The following PRKCA variants were observed in gnomAD, a reference collection of about 807,000 sequenced individuals.
PRKCA encodes the protein protein kinase C alpha type.
Under a neutral mutation model 87.0 loss-of-function variants are expected in PRKCA, and 27 were observed. That is an observed-to-expected ratio of 0.31 (90% confidence interval 0.23 to 0.43). The LOEUF (loss-of-function observed/expected upper bound fraction) is 0.43, where lower values mean the gene tolerates loss of function less well. Among genes scored for constraint, PRKCA ranks in the 20% least tolerant of loss-of-function variants. The probability of loss-of-function intolerance (pLI) is 1.00; values close to 1 mark genes in which losing one functional copy is unlikely to be tolerated. For missense variants in PRKCA, 518 were observed against 852.3 expected, an observed-to-expected ratio of 0.61 and a Z score of 4.88; for synonymous variants, 329 against 311.1, an observed-to-expected ratio of 1.06 and a Z score of -0.61.
At chr17:66,377,255 C>A (rs1054255582) in intron 2 of PRKCA, among the ~76,000 whole-genome samples, 1 of 151,906 alleles carries the variant, frequency 6.6e-6, no homozygotes, top group Non-Finnish European at 1.5e-5. Context: ...GAACTCTTGA[C>A]CTCAGGTGAT....
At chr17:66,602,445 C>T (rs879300135) in intron 3 of PRKCA, among the ~76,000 whole-genome samples, 118 of 151,246 alleles carry the variant, frequency 7.8e-4, no homozygotes, top group Non-Finnish European at 1.5e-3. Context: ...GGTGCGCACA[C>T]CCACTGACCT....
At chr17:66,573,232 T>A (rs1453475214) in intron 3 of PRKCA, among the ~76,000 whole-genome samples, 1 of 152,188 alleles carries the variant, frequency 6.6e-6, no homozygotes, top group Non-Finnish European at 1.5e-5. Flanking sequence ...AAGGACCTTG[T>A]AATGAGCAGC....
chr17:66,343,551 G>A (rs1185713282), intron 2 of PRKCA, among the ~76,000 whole-genome samples: 1 of 152,160 alleles, frequency 6.6e-6, no homozygotes, highest in Non-Finnish European at 1.5e-5. Flanking sequence ...TGCAGAGACC[G>A]GATTGGAGGG....
intron 2 of PRKCA, among the ~76,000 whole-genome samples, chr17:66,436,445 A>G (rs767729897): frequency 3.3e-5 from 5 of 152,220 alleles, no homozygotes; most frequent in Non-Finnish European, 5.9e-5. Flanking sequence ...GCGAGGATTA[A>G]GTGAGAGAAC....
intron 5 of PRKCA, among the ~76,000 whole-genome samples, chr17:66,656,940 A>G (rs1421637584): frequency 6.6e-6 from 1 of 152,238 alleles, no homozygotes; most frequent in African/African-American, 2.4e-5. Context: ...ATGTATATAT[A>G]TATTTTCAGA....
intron 3 of PRKCA, among the ~76,000 whole-genome samples, chr17:66,627,260 T>A (rs979381003): frequency 5.9e-5 from 9 of 151,846 alleles, no homozygotes; most frequent in Admixed American, 3.9e-4. Flanking sequence ...TGCCAGTGGG[T>A]TAAGATGTAG....
In PRKCA at chr17:66,400,587, G is replaced by T. The variant is rs115835323; in HGVS notation, c.205+94460G>T. On this transcript the variant is annotated intron_variant, in intron 2 of 16. Transcript: ENST00000413366. ...TTGAGTAGTGTGGCTATGAACACGG[G>T]TGTACAAATATTTCTGAGACCCTGC... 2.2e-3 allele frequency among the ~76,000 whole-genome samples: 335 copies of T among 152,286 alleles called. 1 individual carries two copies. The highest frequency in any genetic ancestry group is 7.7e-3 in the African/African-American group (319 of 41,564).
intron 13 of PRKCA, among the ~76,000 whole-genome samples, chr17:66,747,816 C>G (rs1486638036): frequency 2.6e-5 from 4 of 152,184 alleles, no homozygotes; most frequent in African/African-American, 9.6e-5. Context: ...CCCTTAGAAA[C>G]CAAGGGTGAT....
chr17:66,509,130 G>A (rs17698978), intron 3 of PRKCA, among the ~76,000 whole-genome samples: 1,713 of 152,156 alleles, frequency 0.011, 7 homozygotes, highest in Non-Finnish European at 0.018. Context: ...CACTGTGAAG[G>A]TTTATGAATC....
Position 66,805,214 on chromosome 17 carries a change from T to A in PRKCA, c.*1177T>A. The A allele has an allele frequency of 1.1e-6, 1 of 873,318 alleles. No homozygotes were observed. The highest frequency in any genetic ancestry group is 1.4e-6 in the Non-Finnish European group (1 of 727,834). The allele number at this position is 873,318 out of a possible 1,614,324, so 54.1% of individuals were successfully genotyped here. ...TGTAGAATCAGGAAACCCGGATGCC[T>A]AACAGCTCAAAGATGTTTTGTTAAT... On this transcript the variant is annotated 3_prime_UTR_variant, in exon 17 of 17. Transcript: ENST00000413366.
chr17:66,593,639 C>T (rs944754710), intron 3 of PRKCA, among the ~76,000 whole-genome samples: 2 of 152,166 alleles, frequency 1.3e-5, no homozygotes, highest in African/African-American at 2.4e-5. Flanking sequence ...TTGTCATGGA[C>T]ATGAAGATGT....
chr17:66,381,740 C>T (rs1909784883), intron 2 of PRKCA, among the ~76,000 whole-genome samples: 1 of 152,178 alleles, frequency 6.6e-6, no homozygotes, highest in Non-Finnish European at 1.5e-5. Flanking sequence ...TACTGCCCTG[C>T]TTGCTGGCTT....
chr17:66,626,962 C>T (rs1970874773), intron 3 of PRKCA, among the ~76,000 whole-genome samples: 1 of 152,178 alleles, frequency 6.6e-6, no homozygotes, highest in South Asian at 2.1e-4. Context: ...CCACATCCCT[C>T]CCTCTCCCCT....
intron 14 of PRKCA, 147 bp downstream of exon 14, chr17:66,774,214 G>A (rs569879960): frequency 4.8e-5 from 73 of 1,515,772 alleles, no homozygotes; most frequent in Admixed American, 1.4e-4. Flanking sequence ...AGGGAGAAAC[G>A]CCCCCTTCAA....
intron 13 of PRKCA, among the ~76,000 whole-genome samples, chr17:66,773,615 A>G (rs1425437227): frequency 6.6e-6 from 1 of 151,548 alleles, no homozygotes; most frequent in Non-Finnish European, 1.5e-5. Context: ...CAGCCTCCCA[A>G]AGTGCTGGGA....
chr17:66,604,155 C>T (rs183936712), intron 3 of PRKCA, among the ~76,000 whole-genome samples: 1 of 152,010 alleles, frequency 6.6e-6, no homozygotes, highest in East Asian at 1.9e-4. Flanking sequence ...CTCCTGTCAA[C>T]AGGATTTCCC....
At chr17:66,325,549 G>A (rs2143243904) in intron 2 of PRKCA, among the ~76,000 whole-genome samples, 1 of 152,254 alleles carries the variant, frequency 6.6e-6, no homozygotes, top group East Asian at 1.9e-4. Context: ...GAAATAGTGG[G>A]ATCCTCACCC....
chr17:66,718,755 G>A (rs920964618), intron 8 of PRKCA, among the ~76,000 whole-genome samples: 6 of 152,186 alleles, frequency 3.9e-5, no homozygotes, highest in African/African-American at 1.4e-4. Context: ...TGAATTTGAG[G>A]GAGACACATT....
intron 2 of PRKCA, among the ~76,000 whole-genome samples, chr17:66,382,037 C>A (rs905790018): frequency 6.6e-6 from 1 of 152,114 alleles, no homozygotes; most frequent in African/African-American, 2.4e-5. Flanking sequence ...CTCTGTTTGT[C>A]ACCATTATGG....
Sources: allele counts gnomAD v4.1 joint callset (sites outside exome capture counted in the v4.1 genomes callset), GRCh38; gene constraint gnomAD v4.1.1; transcripts MANE v1.5; gene names NCBI Gene and HGNC (gene_info 2026-07-23, HGNC 2026-07-21).